MPPED2: variants seen among roughly 807,000 people sequenced by gnomAD.
MPPED2 encodes metallophosphoesterase MPPED2.
Under a neutral mutation model 33.0 loss-of-function variants are expected in MPPED2, and 5 were observed. The observed-to-expected ratio is 0.15, with a 90% confidence interval of 0.08 to 0.32. The LOEUF is 0.32. Among genes scored for constraint, MPPED2 ranks in the 10% least tolerant of loss-of-function variants. The probability of loss-of-function intolerance (pLI) is 1.00; values close to 1 mark genes in which losing one functional copy is unlikely to be tolerated. For synonymous variants in MPPED2, 136 were observed against 141.9 expected, an observed-to-expected ratio of 0.96 and a Z score of 0.29; for missense variants, 275 against 372.1, an observed-to-expected ratio of 0.74 and a Z score of 2.15.
At chr11:30,507,961 C>T (rs1275963894) in intron 3 of MPPED2, among the ~76,000 whole-genome samples, 1 of 152,126 alleles carries the variant, frequency 6.6e-6, no homozygotes, top group Non-Finnish European at 1.5e-5. Flanking sequence ...GTCTATTTTA[C>T]TTTCTACATT....
chr11:30,562,354 T>C (rs1178475496), intron 2 of MPPED2, among the ~76,000 whole-genome samples: 1 of 152,182 alleles, frequency 6.6e-6, no homozygotes, highest in Non-Finnish European at 1.5e-5. Context: ...GGACATATTC[T>C]GAAATGAAAG....
intron 4 of MPPED2, among the ~76,000 whole-genome samples, chr11:30,479,148 A>C (rs1334778772): frequency 6.6e-6 from 1 of 152,008 alleles, no homozygotes; most frequent in East Asian, 1.9e-4. Context: ...TGCTGGAGGG[A>C]GGGAGATCAC....
At chr11:30,534,686 A>T (rs1004516332) in intron 3 of MPPED2, among the ~76,000 whole-genome samples, 8 of 152,208 alleles carry the variant, frequency 5.3e-5, no homozygotes, top group Non-Finnish European at 1.0e-4. Context: ...AGCAAAAACC[A>T]TAAAGAATTT....
intron 4 of MPPED2, among the ~76,000 whole-genome samples, chr11:30,481,167 G>A (rs888191398): frequency 3.3e-5 from 5 of 151,954 alleles, no homozygotes; most frequent in East Asian, 1.9e-4. Flanking sequence ...ATTAATAGGC[G>A]ACCTTTCCTT....
Position 30,400,855 on chromosome 11 carries a change from G to A in MPPED2, c.767-11899C>T, listed in dbSNP as rs1590158245. Among the ~76,000 whole-genome samples, 3 of 151,962 alleles carry A rather than the reference G, an allele frequency of 2.0e-5. No homozygotes were observed. In the South Asian group the frequency reaches 6.2e-4, roughly 32 times the overall value. ...GGCTCACTGCAGCCTCAACCTACCA[G>A]GCTCAAGCAATCTTCAATCTTCTTG... On this transcript the variant is annotated intron_variant, in intron 6 of 6. Coordinates refer to the MPPED2 transcript ENST00000448418.
At chr11:30,502,015 C>T (rs558836434) in intron 3 of MPPED2, among the ~76,000 whole-genome samples, 1 of 152,226 alleles carries the variant, frequency 6.6e-6, no homozygotes, top group East Asian at 1.9e-4. Context: ...CTATGCTTTC[C>T]TTGATTTTAC....
intron 2 of MPPED2, among the ~76,000 whole-genome samples, chr11:30,555,207 CA>C (rs1259488277): frequency 1.3e-5 from 2 of 152,304 alleles, no homozygotes; most frequent in African/African-American, 4.8e-5. Flanking sequence ...ACAGTCCAGG[CA>C]CCCCAAACAC....
At chr11:30,429,172 G>A (rs564869050) in intron 4 of MPPED2, 3 of 152,142 alleles carry the variant, frequency 2.0e-5, no homozygotes, top group Non-Finnish European at 2.9e-5. Context: ...CTCCTTACCT[G>A]TGGAATGAAG....
intron 2 of MPPED2, among the ~76,000 whole-genome samples, chr11:30,553,201 C>T (rs1158793730): frequency 6.6e-6 from 1 of 152,118 alleles, no homozygotes; most frequent in Non-Finnish European, 1.5e-5. Flanking sequence ...CCATGAACTG[C>T]ACCATAAAAC....
In MPPED2 at chr11:30,512,521, G is replaced by C. The variant is rs1016216243; in HGVS notation, c.311-17000C>G. ...AAATTAGGTCTGCTCTTGTTGTGGG[G>C]GGAAGGAGGGAGGGATAAAGTTTTA... is the stretch of plus-strand genomic sequence containing the variant. On this transcript the variant is annotated intron_variant, in intron 3 of 6. Coordinates refer to ENST00000358117, the MANE Select transcript of MPPED2 (RefSeq NM_001584.3). 2.6e-5 allele frequency among the ~76,000 whole-genome samples: 4 copies of C among 152,126 alleles called. No homozygotes were observed. In the East Asian group the frequency reaches 7.7e-4, roughly 29 times the overall value.
At chr11:30,575,121 C>T (rs1012881730) in intron 2 of MPPED2, among the ~76,000 whole-genome samples, 1 of 152,096 alleles carries the variant, frequency 6.6e-6, no homozygotes, top group Non-Finnish European at 1.5e-5. Context: ...TCTTGTAGTA[C>T]TTTGGCATGA....
chr11:30,478,512 C>G (rs1426578603), intron 4 of MPPED2, among the ~76,000 whole-genome samples: 1 of 151,954 alleles, frequency 6.6e-6, no homozygotes, highest in African/African-American at 2.4e-5. Flanking sequence ...CACTACATTA[C>G]TCATAAATGG....
chr11:30,396,594 C>T (rs1396389235), intron 6 of MPPED2, among the ~76,000 whole-genome samples: 1 of 152,138 alleles, frequency 6.6e-6, no homozygotes. Context: ...CTTGCAAGCT[C>T]ATAGTCACAC....
At chr11:30,519,096 C>T (rs1953700774) in intron 3 of MPPED2, among the ~76,000 whole-genome samples, 1 of 151,694 alleles carries the variant, frequency 6.6e-6, no homozygotes, top group Non-Finnish European at 1.5e-5. Context: ...GCCTAAGGAA[C>T]ATAGAGAAAT....
intron 3 of MPPED2, among the ~76,000 whole-genome samples, chr11:30,525,431 C>T (rs533483862): frequency 1.3e-5 from 2 of 151,528 alleles, no homozygotes; most frequent in Non-Finnish European, 2.9e-5. Context: ...AACAGTGATA[C>T]AATTTTCATA....
At chr11:30,506,719 A>G (rs888273702) in intron 3 of MPPED2, among the ~76,000 whole-genome samples, 2 of 152,270 alleles carry the variant, frequency 1.3e-5, no homozygotes, top group South Asian at 4.1e-4. Context: ...TTTAAAAGAA[A>G]TAACCATTTT....
intron 2 of MPPED2, among the ~76,000 whole-genome samples, chr11:30,562,998 T>C (rs1956297849): frequency 6.6e-6 from 1 of 152,160 alleles, no homozygotes; most frequent in African/African-American, 2.4e-5. Flanking sequence ...CATTAATTTG[T>C]TCATCAATAA....
chr11:30,489,110 G>A (rs769802251), intron 4 of MPPED2, among the ~76,000 whole-genome samples: 5 of 146,438 alleles, frequency 3.4e-5, no homozygotes, highest in Non-Finnish European at 6.0e-5. Flanking sequence ...TAAAATAAAT[G>A]AGCCCATTCC....
intron 2 of MPPED2, among the ~76,000 whole-genome samples, chr11:30,569,459 T>C (rs1355140811): frequency 6.6e-6 from 1 of 152,176 alleles, no homozygotes; most frequent in Non-Finnish European, 1.5e-5. Context: ...CTCTCTAAGT[T>C]TATTGAGTCA....
Sources: allele counts gnomAD v4.1 joint callset (sites outside exome capture counted in the v4.1 genomes callset), GRCh38; gene constraint gnomAD v4.1.1; transcripts MANE v1.5; gene names NCBI Gene and HGNC (gene_info 2026-07-23, HGNC 2026-07-21).